The following ARHGAP17 variants were observed in gnomAD, a reference collection of about 807,000 sequenced individuals.
ARHGAP17 encodes the protein rho GTPase-activating protein 17.
In ARHGAP17, 57 loss-of-function variants were observed where a neutral mutation model predicts 99.5. The observed-to-expected ratio is 0.57, with a 90% CI of 0.46 to 0.71. The LOEUF is 0.71. Ranked by LOEUF, ARHGAP17 falls within the 30% of genes least tolerant of loss-of-function variation. The pLI, the probability that ARHGAP17 is intolerant of heterozygous loss-of-function variation, is 0.00. For missense variants in ARHGAP17, 1,000 were observed against 1,122.4 expected (o/e 0.89, Z 1.56); for synonymous variants, 417 against 429.6 (o/e 0.97, Z 0.36).
chr16:24,941,151 C>T (rs1372026564), intron 16 of ARHGAP17, among the ~76,000 whole-genome samples: 1 of 152,106 alleles, frequency 6.6e-6, no homozygotes, highest in East Asian at 1.9e-4. Flanking sequence ...AAATGCAATA[C>T]AAAGAACAAG....
chr16:25,007,420 C>T lies in ARHGAP17; in HGVS notation c.53+7789G>A, dbSNP rs140042844. Among the ~76,000 whole-genome samples the T allele has an allele frequency of 4.9e-3, 741 of 152,314 alleles. 5 individuals are homozygous for T. Among genetic ancestry groups the T allele is most frequent in the Middle Eastern group, 0.01 (3 of 294 alleles). On this transcript the variant is annotated intron_variant, in intron 1 of 19. Coordinates refer to ENST00000289968, the MANE Select transcript of ARHGAP17 (RefSeq NM_001006634.3). The stretch of plus-strand genomic sequence containing the variant: ...TCACTCCATCACCCAGGCTGGAGCA[C>T]GGTGGCAGGATCACAGTTCACTGCA...
rs988861383 is a variant in ARHGAP17, at chr16:24,964,247, T to C, written c.523A>G (p.Thr175Ala). The stretch of plus-strand genomic sequence containing the variant: ...GCTTCATCCATCTCTTCCTTTAGAG[T>C]ATCTATTTTTGATGGAAGCCCCTGA... ...NFQGLPSKID[T>A]LKEEMDEAGN... Residue 175 changes from threonine to alanine, a missense_variant, in exon 7 of 20, where the codon ACT (threonine) becomes GCT (alanine). Physicochemically the swap from Thr to Ala is moderately conservative, Grantham distance 58. Transcript: ENST00000289968. The C allele has an allele frequency of 3.1e-6, 5 of 1,613,774 alleles. No individual in the cohort carries two copies. The highest frequency in any genetic ancestry group is 3.3e-5 in the Admixed American group (2 of 59,924).
chr16:24,949,292 T>TTGC (rs2051563091), intron 13 of ARHGAP17, 112 bp downstream of exon 13: 2 of 733,458 alleles, frequency 2.7e-6, no homozygotes, highest in Non-Finnish European at 4.3e-6. Flanking sequence ...GTGGTTTTTT[T>TTGC]TGTTGTTGTT....
At chr16:24,931,922 C>G (rs1191569740) in intron 18 of ARHGAP17, among the ~76,000 whole-genome samples, 1 of 152,140 alleles carries the variant, frequency 6.6e-6, no homozygotes, top group Non-Finnish European at 1.5e-5. Context: ...TCAAGGCCAG[C>G]CTGAGCAACG....
chr16:24,962,221 T>C (rs1445667933), intron 7 of ARHGAP17, among the ~76,000 whole-genome samples: 1 of 152,032 alleles, frequency 6.6e-6, no homozygotes, highest in Admixed American at 6.6e-5. Flanking sequence ...TAAGCATCAA[T>C]GGAAGCTGGA....
intron 1 of ARHGAP17, among the ~76,000 whole-genome samples, chr16:24,989,162 C>G (rs1390014262): frequency 3.3e-5 from 5 of 152,120 alleles, no homozygotes; most frequent in Non-Finnish European, 7.4e-5. Context: ...GTCAGGGGCT[C>G]CCTCCACACC....
In ARHGAP17 at chr16:25,011,638, G is replaced by A. The variant is rs1223259938; in HGVS notation, c.53+3571C>T. On this transcript the variant is annotated intron_variant, in intron 1 of 19. Coordinates refer to ENST00000289968, the MANE Select transcript of ARHGAP17 (RefSeq NM_001006634.3). ...GAGAATTGCTTGAACCTAGGAGGTG[G>A]AGGCTGCAGTGAGCCGCGCCACTAC... Among the ~76,000 whole-genome samples, 6 of 151,700 alleles carry A rather than the reference G, an allele frequency of 4.0e-5. No homozygotes were observed. The East Asian group carries it at 1.2e-3, about 29-fold the overall frequency.
In ARHGAP17 at chr16:24,982,996, A is replaced by ATTTTT. The variant is rs1193522045; in HGVS notation, c.54-3996_54-3992dup. Among the ~76,000 whole-genome samples, 5 of 46,976 alleles carry ATTTTT rather than the reference A, an allele frequency of 1.1e-4. 1 individual carries two copies. The highest frequency in any genetic ancestry group is 4.4e-4 in the African/African-American group (5 of 11,482). The allele number at this position is 46,976 out of a possible 152,430, so 30.8% of individuals were successfully genotyped here. A position where few individuals can be genotyped will look rare whatever the true frequency, so the allele number is the denominator to read the frequency against. The stretch of plus-strand genomic sequence containing the variant: ...TATATATATATATATATATATATAT[A>ATTTTT]TTTTTTTTTTTTTTTTTTTTTTTTT... On this transcript the variant is annotated intron_variant, in intron 1 of 19. Coordinates refer to ENST00000289968, the MANE Select transcript of ARHGAP17 (RefSeq NM_001006634.3).
At chr16:24,958,355 C>A (rs1047136006) in intron 9 of ARHGAP17, among the ~76,000 whole-genome samples, 4 of 152,206 alleles carry the variant, frequency 2.6e-5, no homozygotes, top group African/African-American at 9.6e-5. Flanking sequence ...GATTTGTCTA[C>A]TATTTTGTCC....
At chr16:24,979,325 T>C (rs530053759) in intron 1 of ARHGAP17, among the ~76,000 whole-genome samples, 2 of 152,340 alleles carry the variant, frequency 1.3e-5, no homozygotes, top group African/African-American at 4.8e-5. Context: ...CAGGTCCCTC[T>C]GGATATTCTA....
In ARHGAP17 at chr16:24,970,560, A is replaced by G. The variant is rs1466575655; in HGVS notation, c.219T>C (p.Ala73=). 3 of 1,614,208 alleles carry G rather than the reference A, an allele frequency of 1.9e-6. No individual in the cohort carries two copies. Among genetic ancestry groups the G allele is most frequent in the South Asian group, 1.1e-5 (1 of 91,086 alleles). The change falls in exon 4 of 20, where the codon GCT becomes GCC. Residue 73 remains alanine, a synonymous_variant. Transcript: ENST00000289968. ...ERRHKKLPLT[A]LAQNMQEAST... is the part of the protein sequence containing the mutation. ...ATGCTTCTTGCATATTTTGAGCAAG[A>G]GCTGTCAGAGGCAGTTTTTTCTGGA...
intron 17 of ARHGAP17, chr16:24,935,905 C>T: frequency 2.2e-6 from 1 of 450,754 alleles, no homozygotes; most frequent in Non-Finnish European, 4.1e-6. Context: ...TTTCTGGACT[C>T]AAGCAATCCT....
rs2052270257 is a variant in ARHGAP17 at position 24,968,750 on chromosome 16, C to T, written c.295G>A (p.Asp99Asn). ...TCGAGAGCCAGCTGATTCTCAGCAT[C>T]TCCACACGTCTCCAGCATCTTCCTT... is the stretch of plus-strand genomic sequence containing the variant. ...LLGKMLETCG[D>N]AENQLALELS... is the part of the protein sequence containing the mutation. Residue 99 changes from aspartate to asparagine, a missense_variant, in exon 5 of 20, where the codon GAT becomes AAT. This residue lies in a region of ARHGAP17 where 472 missense variants were observed against 611.1 expected (regional missense o/e 0.77). Coordinates refer to ENST00000289968, the MANE Select transcript of ARHGAP17 (RefSeq NM_001006634.3). The T allele has an allele frequency of 2.5e-6, 4 of 1,614,092 alleles. No individual in the cohort carries two copies. The highest frequency in any genetic ancestry group is 1.3e-5 in the African/African-American group (1 of 74,938).
At position 24,981,414 on chromosome 16, in the gene ARHGAP17, C is replaced by T. The variant is rs536621284; in HGVS notation, c.54-2409G>A. Among the ~76,000 whole-genome samples, 149 of 151,900 alleles carry T rather than the reference C, an allele frequency of 9.8e-4. No homozygotes were observed. In the South Asian group the frequency reaches 0.029, roughly 30 times the overall value. On this transcript the variant is annotated intron_variant, in intron 1 of 19. Coordinates refer to ENST00000289968, the MANE Select transcript of ARHGAP17 (RefSeq NM_001006634.3). ...ATAATATAAATATCAAATAGTAATA[C>T]AATGAAAAATTATAACTGTATTGAA...
intron 1 of ARHGAP17, among the ~76,000 whole-genome samples, chr16:25,008,977 C>G (rs2053575816): frequency 6.6e-6 from 1 of 152,310 alleles, no homozygotes; most frequent in Non-Finnish European, 1.5e-5. Flanking sequence ...CTCTTTCCAC[C>G]CTGCTCTATG....
chr16:24,988,891 A>G (rs908116933), intron 1 of ARHGAP17, among the ~76,000 whole-genome samples: 1 of 152,224 alleles, frequency 6.6e-6, no homozygotes, highest in African/African-American at 2.4e-5. Context: ...AGCCTGCTCC[A>G]GTCACTCATG....
At chr16:24,972,401 TAG>T (rs2052392000) in intron 3 of ARHGAP17, among the ~76,000 whole-genome samples, 1 of 152,242 alleles carries the variant, frequency 6.6e-6, no homozygotes, top group South Asian at 2.1e-4. Context: ...AAATTTTTTG[TAG>T]AGACAAGGTC....
chr16:25,000,076 A>G (rs1383134773), intron 1 of ARHGAP17, among the ~76,000 whole-genome samples: 1 of 152,218 alleles, frequency 6.6e-6, no homozygotes, highest in African/African-American at 2.4e-5. Context: ...CACAGCGAGT[A>G]AACAGTACAG....
intron 19 of ARHGAP17, among the ~76,000 whole-genome samples, chr16:24,923,482 AGGCTGGGCGTGGT>A (rs2152437390): frequency 6.6e-6 from 1 of 152,224 alleles, no homozygotes. Context: ...AAAACAAAAT[AGGCTGGGCGTGGT>A]GGGATGATGG....
Sources: allele counts gnomAD v4.1 joint callset (sites outside exome capture counted in the v4.1 genomes callset), GRCh38; gene constraint gnomAD v4.1.1; regional missense constraint gnomAD v4.1.1; transcripts MANE v1.5; gene names NCBI Gene and HGNC (gene_info 2026-07-23, HGNC 2026-07-21).